RORB: variants seen among roughly 807,000 people sequenced by gnomAD.
RORB encodes the protein RAR related orphan receptor B.
RORB carries 6 observed loss-of-function variants against 59.1 expected under a neutral mutation model. The ratio of observed to expected loss-of-function variants is 0.10; its 90% CI spans 0.06 to 0.20. The LOEUF (loss-of-function observed/expected upper bound fraction) is 0.20, where lower values mean the gene tolerates loss of function less well. Among genes scored for constraint, RORB ranks in the 10% least tolerant of loss-of-function variants. RORB has a pLI of 1.00. For missense variants in RORB, 320 were observed against 560.5 expected, an observed-to-expected ratio of 0.57 and a Z score of 4.33; for synonymous variants, 215 against 204.5, an observed-to-expected ratio of 1.05 and a Z score of -0.44.
chr9:74,591,890 T>C (rs1009505204), intron 1 of RORB, among the ~76,000 whole-genome samples: 2 of 151,942 alleles, frequency 1.3e-5, no homozygotes, highest in Non-Finnish European at 2.9e-5. Context: ...AAATGTTATA[T>C]GGGGAGTGTG....
chr9:74,589,876 G>T (rs907317863), intron 1 of RORB, among the ~76,000 whole-genome samples: 2 of 152,118 alleles, frequency 1.3e-5, no homozygotes, highest in African/African-American at 4.8e-5. Flanking sequence ...GCCACAATTT[G>T]CACACTGCTA....
intron 9 of RORB, among the ~76,000 whole-genome samples, chr9:74,682,933 T>C (rs1472236798): frequency 6.6e-6 from 1 of 152,170 alleles, no homozygotes; most frequent in Non-Finnish European, 1.5e-5. Flanking sequence ...TTTATAAAAT[T>C]TGAACCTCTG....
At chr9:74,532,726 CAT>C (rs551779578) in intron 1 of RORB, among the ~76,000 whole-genome samples, 256 of 148,898 alleles carry the variant, frequency 1.7e-3, no homozygotes, top group African/African-American at 5.8e-3. Flanking sequence ...ATGTGTGTTA[CAT>C]ATGTTTATAT....
chr9:74,639,435 C>T (rs1823757855), intron 3 of RORB, among the ~76,000 whole-genome samples: 1 of 151,876 alleles, frequency 6.6e-6, no homozygotes. Flanking sequence ...TTAATGCAAT[C>T]AGTCATCTAC....
chr9:74,578,984 AT>A (rs1450599646), intron 1 of RORB, among the ~76,000 whole-genome samples: 1 of 152,068 alleles, frequency 6.6e-6, no homozygotes, highest in African/African-American at 2.4e-5. Context: ...ACTGACCTTG[AT>A]TTTATATATA....
intron 7 of RORB, 106 bp downstream of exon 7, chr9:74,665,701 T>C: frequency 1.4e-6 from 1 of 733,450 alleles, no homozygotes; most frequent in Non-Finnish European, 2.4e-6. Context: ...TGTGAACCAG[T>C]ATCTCATTAT....
chr9:74,644,075 A>ATAGGAG, intron 4 of RORB, among the ~76,000 whole-genome samples: 1 of 152,228 alleles, frequency 6.6e-6, no homozygotes, highest in South Asian at 2.1e-4. Context: ...TAACCTGCAA[A>ATAGGAG]TAGGAGCCTA....
chr9:74,544,993 G>A (rs1215830654), intron 1 of RORB, among the ~76,000 whole-genome samples: 2 of 152,114 alleles, frequency 1.3e-5, no homozygotes, highest in African/African-American at 2.4e-5. Context: ...AGCAATATGG[G>A]ATATTGCAGC....
Position 74,497,704 on chromosome 9 carries a change from C to A in RORB, c.-273C>A. 2.0e-6 allele frequency: 1 copy of A among 504,746 alleles called. No homozygotes were observed. Among genetic ancestry groups the A allele is most frequent in the Non-Finnish European group, 3.5e-6 (1 of 283,320 alleles). 31.3% of individuals were successfully genotyped at this position (504,746 alleles called of 1,614,324 possible). On this transcript the variant is annotated 5_prime_UTR_variant, in exon 1 of 10. Coordinates refer to ENST00000376896, the MANE Select transcript of RORB (RefSeq NM_006914.4). The stretch of plus-strand genomic sequence containing the variant: ...AAAACAAAACCCAGGCACCAGACAG[C>A]CAGAACATTTTTTTTTCACCCTTCC...
intron 1 of RORB, among the ~76,000 whole-genome samples, chr9:74,583,310 C>T (rs1487736193): frequency 6.6e-6 from 1 of 152,146 alleles, no homozygotes; most frequent in African/African-American, 2.4e-5. Flanking sequence ...TGCCCCCAAG[C>T]ACCTTCTCCG....
intron 1 of RORB, among the ~76,000 whole-genome samples, chr9:74,581,660 C>A (rs145625962): frequency 2.6e-5 from 4 of 152,256 alleles, no homozygotes; most frequent in Non-Finnish European, 2.9e-5. Context: ...CTTCTACTCT[C>A]CCTACAAAAG....
At chr9:74,503,694 A>G (rs1259641775) in intron 1 of RORB, among the ~76,000 whole-genome samples, 1 of 152,106 alleles carries the variant, frequency 6.6e-6, no homozygotes, top group African/African-American at 2.4e-5. Context: ...CAACAAATTC[A>G]TAGATAACAA....
At chr9:74,582,599 T>C (rs1012144872) in intron 1 of RORB, among the ~76,000 whole-genome samples, 13 of 152,196 alleles carry the variant, frequency 8.5e-5, no homozygotes, top group African/African-American at 3.1e-4. Context: ...CATTACAAGA[T>C]TGGAAGATGT....
intron 9 of RORB, among the ~76,000 whole-genome samples, chr9:74,684,348 G>A (rs1176745435): frequency 6.6e-6 from 1 of 152,162 alleles, no homozygotes; most frequent in South Asian, 2.1e-4. Context: ...GATGAGATAG[G>A]TTTTGTTTAA....
intron 4 of RORB, among the ~76,000 whole-genome samples, chr9:74,658,004 CAAAAAAAAAAA>C (rs60719147): frequency 3.6e-4 from 35 of 97,810 alleles, no homozygotes; most frequent in South Asian, 1.2e-3. Flanking sequence ...GACTCGGTCT[CAAAAAAAAAAA>C]AAAAAAAAAA....
intron 1 of RORB, among the ~76,000 whole-genome samples, chr9:74,570,553 T>C (rs1414295587): frequency 6.6e-6 from 1 of 152,204 alleles, no homozygotes; most frequent in African/African-American, 2.4e-5. Flanking sequence ...TTAATTAATC[T>C]TGTGTTATGC....
chr9:74,538,525 T>C (rs931620014), intron 1 of RORB, among the ~76,000 whole-genome samples: 6 of 152,142 alleles, frequency 3.9e-5, no homozygotes, highest in African/African-American at 1.4e-4. Context: ...CTTCCTCTGT[T>C]AGTATTTTGC....
chr9:74,562,362 T>A (rs1282900219), intron 1 of RORB, among the ~76,000 whole-genome samples: 1 of 152,216 alleles, frequency 6.6e-6, no homozygotes, highest in Non-Finnish European at 1.5e-5. Flanking sequence ...CCTGCAATCT[T>A]CTCTGTGTGT....
chr9:74,633,441 A>G (rs896573316), intron 2 of RORB, among the ~76,000 whole-genome samples: 6 of 152,152 alleles, frequency 3.9e-5, no homozygotes, highest in African/African-American at 1.4e-4. Context: ...TCTCCATCCA[A>G]AAGATGATGC....
Sources: gnomAD v4.1 joint callset for allele counts (sites outside exome capture counted in the v4.1 genomes callset) on GRCh38, gnomAD v4.1.1 for gene constraint, MANE v1.5 for transcripts, NCBI Gene and HGNC (gene_info 2026-07-23, HGNC 2026-07-21) for gene names.